The following HIP1 variants were observed in gnomAD, a reference collection of about 807,000 sequenced individuals.
The protein encoded by HIP1 is huntingtin-interacting protein 1.
A neutral mutation model predicts 147.6 loss-of-function variants in HIP1; 65 were observed. The ratio of observed to expected loss-of-function variants is 0.44; its 90% CI spans 0.36 to 0.54. HIP1 has a LOEUF of 0.54. Ranked by LOEUF, HIP1 falls within the 20% of genes least tolerant of loss-of-function variation. The probability of loss-of-function intolerance (pLI) is 0.00; values close to 1 mark genes in which losing one functional copy is unlikely to be tolerated. For synonymous variants in HIP1, 479 were observed against 504.0 expected (o/e 0.95, Z 0.67); for missense variants, 1,061 against 1,299.6 (o/e 0.82, Z 2.82).
At chr7:75,621,842 G>A (rs1409900093) in intron 1 of HIP1, among the ~76,000 whole-genome samples, 1 of 152,198 alleles carries the variant, frequency 6.6e-6, no homozygotes. Context: ...ATTTGCCTGA[G>A]CAACTAGAGG....
At position 75,691,527 on chromosome 7, in the gene HIP1, G is replaced by A. The variant is rs547645731; in HGVS notation, c.120+47274C>T. On this transcript the variant is annotated intron_variant, in intron 1 of 30. Transcript: ENST00000336926. ...AAACTTCCAGAATAGGGCCGGGCGC[G>A]GTGGCTCATGCCTGTAATCCCAGCA... Among the ~76,000 whole-genome samples, 4 of 151,906 alleles carry A rather than the reference G, an allele frequency of 2.6e-5. 1 individual carries two copies. In the South Asian group the frequency reaches 6.2e-4, roughly 24 times the overall value.
At chr7:75,663,689 T>G (rs1799385567) in intron 1 of HIP1, among the ~76,000 whole-genome samples, 1 of 148,792 alleles carries the variant, frequency 6.7e-6, no homozygotes, top group Admixed American at 6.8e-5. Flanking sequence ...GCAGTGAAAA[T>G]AGGAAAGAGA....
intron 1 of HIP1, among the ~76,000 whole-genome samples, chr7:75,738,022 T>C (rs1222872392): frequency 6.6e-6 from 1 of 152,208 alleles, no homozygotes; most frequent in African/African-American, 2.4e-5. Flanking sequence ...TGGCTTTTTG[T>C]TGATGACACT....
At chr7:75,718,374 A>T (rs1801386826) in intron 1 of HIP1, among the ~76,000 whole-genome samples, 1 of 152,054 alleles carries the variant, frequency 6.6e-6, no homozygotes, top group South Asian at 2.1e-4. Context: ...AAAAGAAAAA[A>T]AAGATTAGCT....
intron 1 of HIP1, chr7:75,625,337 G>GA (rs1798000496): frequency 6.6e-6 from 1 of 152,414 alleles, no homozygotes; most frequent in Non-Finnish European, 1.5e-5. Flanking sequence ...ACTTAGTCCT[G>GA]GTTTCAGAGT....
chr7:75,653,146 G>A (rs1799046123), intron 1 of HIP1, among the ~76,000 whole-genome samples: 1 of 150,858 alleles, frequency 6.6e-6, no homozygotes, highest in African/African-American at 2.4e-5. Flanking sequence ...TAAAGGTCTG[G>A]GAGAAAAAAA....
chr7:75,661,328 T>A (rs1290569061), intron 1 of HIP1, among the ~76,000 whole-genome samples: 2 of 149,530 alleles, frequency 1.3e-5, no homozygotes, highest in Non-Finnish European at 3.0e-5. Flanking sequence ...ATCCCAGTAC[T>A]TCGGGAAGCC....
intron 7 of HIP1, among the ~76,000 whole-genome samples, chr7:75,580,291 C>G (rs1795990579): frequency 6.6e-6 from 1 of 152,176 alleles, no homozygotes; most frequent in South Asian, 2.1e-4. Context: ...AAGACTGGAC[C>G]AAGGACTGGC....
intron 27 of HIP1, among the ~76,000 whole-genome samples, chr7:75,543,583 C>T (rs1200791806): frequency 6.6e-6 from 1 of 152,082 alleles, no homozygotes; most frequent in Non-Finnish European, 1.5e-5. Flanking sequence ...GAACTCCCGA[C>T]CTCAGGCCTC....
At chr7:75,654,871 C>T (rs190997643) in intron 1 of HIP1, among the ~76,000 whole-genome samples, 3 of 151,906 alleles carry the variant, frequency 2.0e-5, no homozygotes, top group African/African-American at 7.2e-5. Flanking sequence ...AGAAATTAGC[C>T]GGGCATGGTG....
chr7:75,725,273 G>A (rs1225576556), intron 1 of HIP1, among the ~76,000 whole-genome samples: 13 of 151,946 alleles, frequency 8.6e-5, no homozygotes, highest in African/African-American at 1.5e-4. Context: ...TGATCCTCTC[G>A]CCTCAGCCAC....
intron 1 of HIP1, among the ~76,000 whole-genome samples, chr7:75,725,928 TCTC>T (rs1801637197): frequency 6.6e-6 from 1 of 151,160 alleles, no homozygotes; most frequent in Non-Finnish European, 1.5e-5. Context: ...TTCAAGCAAT[TCTC>T]CTGCCTCAGC....
intron 1 of HIP1, among the ~76,000 whole-genome samples, chr7:75,733,038 T>C (rs1419182736): frequency 6.6e-6 from 1 of 152,208 alleles, no homozygotes; most frequent in African/African-American, 2.4e-5. Flanking sequence ...TAAACGGATG[T>C]TGAAGAAATA....
chr7:75,561,992 T>C, intron 12 of HIP1, 81 bp downstream of exon 12: 1 of 821,418 alleles, frequency 1.2e-6, no homozygotes, highest in South Asian at 1.4e-5. Context: ...CATTAAGAAT[T>C]CCTCTTTGGT....
At chr7:75,653,839 C>G (rs1346257211) in intron 1 of HIP1, among the ~76,000 whole-genome samples, 10 of 152,156 alleles carry the variant, frequency 6.6e-5, no homozygotes, top group Admixed American at 6.6e-4. Flanking sequence ...GAATCCCTGC[C>G]TCCCGAGCTG....
At chr7:75,607,669 G>A (rs1043164911) in intron 1 of HIP1, among the ~76,000 whole-genome samples, 13 of 151,434 alleles carry the variant, frequency 8.6e-5, no homozygotes, top group South Asian at 2.1e-4. Flanking sequence ...CCATGATCAC[G>A]CCACTGCACT....
intron 1 of HIP1, among the ~76,000 whole-genome samples, chr7:75,736,136 C>T (rs4732110): frequency 0.13 from 18,370 of 141,048 alleles, 1,750 homozygotes; most frequent in East Asian, 0.44. Context: ...CACTCTACTT[C>T]ACCCCCACCC....
intron 1 of HIP1, among the ~76,000 whole-genome samples, chr7:75,653,978 A>G (rs1259053695): frequency 6.6e-6 from 1 of 152,168 alleles, no homozygotes; most frequent in Non-Finnish European, 1.5e-5. Context: ...AGTCTCGAAA[A>G]CTAGTGGGCA....
At chr7:75,602,494 CTTTTTTTTT>C (rs60265858) in intron 1 of HIP1, among the ~76,000 whole-genome samples, 38 of 71,500 alleles carry the variant, frequency 5.3e-4, no homozygotes, top group Admixed American at 3.9e-4. Flanking sequence ...CAGATATGCT[CTTTTTTTTT>C]TTTTTTTTTT....
Sources: allele counts gnomAD v4.1 joint callset (sites outside exome capture counted in the v4.1 genomes callset), GRCh38; gene constraint gnomAD v4.1.1; transcripts MANE v1.5; gene names NCBI Gene and HGNC (gene_info 2026-07-23, HGNC 2026-07-21).